The following PCDH15 variants were observed in gnomAD, a reference collection of about 807,000 sequenced individuals.
The protein encoded by PCDH15 is protocadherin-15.
Under a neutral mutation model 178.5 loss-of-function variants are expected in PCDH15, and 129 were observed. The ratio of observed to expected loss-of-function variants is 0.72; its 90% CI spans 0.63 to 0.84. The LOEUF is 0.84. PCDH15 is among the 40% of genes least tolerant of loss of function. PCDH15 has a pLI of 0.00. For missense variants in PCDH15, 2,230 were observed against 2,099.9 expected, an observed-to-expected ratio of 1.06 and a Z score of -1.21; for synonymous variants, 800 against 732.0, an observed-to-expected ratio of 1.09 and a Z score of -1.50.
intron 2 of PCDH15, among the ~76,000 whole-genome samples, chr10:54,590,139 T>C (rs997979802): frequency 6.6e-6 from 1 of 152,182 alleles, no homozygotes; most frequent in Non-Finnish European, 1.5e-5. Flanking sequence ...AATGTTATTT[T>C]ATTCCATTTA....
chr10:54,530,056 A>G (rs1308585080), intron 2 of PCDH15, among the ~76,000 whole-genome samples: 1 of 152,102 alleles, frequency 6.6e-6, no homozygotes, highest in African/African-American at 2.4e-5. Flanking sequence ...ATAGAATAAT[A>G]AAAGAAGGGG....
intron 2 of PCDH15, among the ~76,000 whole-genome samples, chr10:55,584,481 A>T (rs993181714): frequency 5.3e-5 from 8 of 151,682 alleles, no homozygotes; most frequent in Non-Finnish European, 2.9e-5. Context: ...ACATGGTGAA[A>T]CCCCTTGTCT....
chr10:54,344,292 T>C (rs1246889874), intron 6 of PCDH15, among the ~76,000 whole-genome samples: 1 of 152,186 alleles, frequency 6.6e-6, no homozygotes, highest in African/African-American at 2.4e-5. Context: ...TGAAAATGCA[T>C]GTGGTTGATT....
intron 2 of PCDH15, among the ~76,000 whole-genome samples, chr10:55,095,458 T>C (rs1211069922): frequency 6.6e-6 from 1 of 152,084 alleles, no homozygotes; most frequent in African/African-American, 2.4e-5. Flanking sequence ...TTTGGGTTGT[T>C]ACTTGGATTT....
chr10:54,965,312 G>A (rs1838755298), intron 2 of PCDH15, among the ~76,000 whole-genome samples: 1 of 152,080 alleles, frequency 6.6e-6, no homozygotes, highest in South Asian at 2.1e-4. Flanking sequence ...CCAGTGGGAG[G>A]TAACTGAATC....
At chr10:55,201,965 A>T (rs2132159711) in intron 1 of PCDH15, among the ~76,000 whole-genome samples, 1 of 152,198 alleles carries the variant, frequency 6.6e-6, no homozygotes, top group African/African-American at 2.4e-5. Context: ...GGTTTAGAAA[A>T]TTCTGGGATA....
At position 53,806,473 on chromosome 10, in the gene PCDH15, GTGTGCATGATA is replaced by G. The variant is rs1406692854; in HGVS notation, c.*95_*105del. 2.1e-6 allele frequency: 2 copies of G among 953,748 alleles called. No individual in the cohort carries two copies. Among genetic ancestry groups the G allele is most frequent in the African/African-American group, 1.7e-5 (1 of 60,318 alleles). The allele number at this position is 953,748 out of a possible 1,614,324, so 59.1% of individuals were successfully genotyped here. On this transcript the variant is annotated 3_prime_UTR_variant, in exon 38 of 38. Coordinates refer to ENST00000644397, the MANE Select transcript of PCDH15 (RefSeq NM_001384140.1). ...AGCATATTGTTCAAAGTTTTAGCTT[GTGTGCATGATA>G]TAAATTCCATACATTGTTTTCTCAG...
chr10:55,171,050 C>T (rs1839320045), intron 1 of PCDH15, among the ~76,000 whole-genome samples: 1 of 152,128 alleles, frequency 6.6e-6, no homozygotes, highest in African/African-American at 2.4e-5. Flanking sequence ...ATAGAATGCC[C>T]TAGGGCACTG....
At chr10:54,537,180 C>T (rs71492618) in intron 2 of PCDH15, among the ~76,000 whole-genome samples, 29,313 of 151,288 alleles carry the variant, frequency 0.19, 3,084 homozygotes, top group East Asian at 0.32. Flanking sequence ...TTTGTATTTT[C>T]AGTAGAGACG....
intron 2 of PCDH15, among the ~76,000 whole-genome samples, chr10:55,089,613 G>T (rs550875749): frequency 6.6e-6 from 1 of 152,154 alleles, no homozygotes; most frequent in South Asian, 2.1e-4. Context: ...TGAAGAATTT[G>T]TATCATTACA....
chr10:54,823,206 A>AACACACACACACACACAC (rs4007188), intron 3 of PCDH15, among the ~76,000 whole-genome samples: 1 of 148,920 alleles, frequency 6.7e-6, no homozygotes, highest in African/African-American at 2.5e-5. Context: ...CACCAGCATA[A>AACACACACACACACACAC]ACACACACAC....
At chr10:55,510,635 T>C (rs1464292288) in intron 2 of PCDH15, among the ~76,000 whole-genome samples, 1 of 151,928 alleles carries the variant, frequency 6.6e-6, no homozygotes, top group Non-Finnish European at 1.5e-5. Context: ...TTAAAATTTA[T>C]GTATTCTTGT....
chr10:54,786,744 A>T (rs879786861), intron 1 of PCDH15, among the ~76,000 whole-genome samples: 1 of 151,862 alleles, frequency 6.6e-6, no homozygotes, highest in African/African-American at 2.4e-5. Context: ...GTTTCTTATC[A>T]TTTAGTCTTC....
In PCDH15 at chr10:54,853,289, GTATATATATATATATA is replaced by G. The variant is rs71014423; in HGVS notation, c.-29+44145_-29+44160del. ...TATATATATATGTGTATGTATGTGT[GTATATATATATATATA>G]TATATATATATATACATACACACAC... On this transcript the variant is annotated intron_variant, in intron 3 of 5. Coordinates refer to the PCDH15 transcript ENST00000458638. Among the ~76,000 whole-genome samples the G allele has an allele frequency of 2.9e-5, 3 of 102,544 alleles. No homozygotes were observed. In the South Asian group the frequency reaches 1.1e-3, roughly 38 times the overall value. 67.3% of individuals were successfully genotyped at this position (102,544 alleles called of 152,430 possible). A position where few individuals can be genotyped will look rare whatever the true frequency, so the allele number is the denominator to read the frequency against.
intron 2 of PCDH15, among the ~76,000 whole-genome samples, chr10:55,091,939 G>A (rs1591896561): frequency 1.5e-5 from 2 of 132,758 alleles, no homozygotes; most frequent in Admixed American, 7.5e-5. Flanking sequence ...GCCAGAAACT[G>A]TGGGTAAAAC....
At chr10:54,087,243 C>A (rs2094529426) in intron 16 of PCDH15, among the ~76,000 whole-genome samples, 1 of 152,108 alleles carries the variant, frequency 6.6e-6, no homozygotes, top group African/African-American at 2.4e-5. Context: ...GTTGTTCAAT[C>A]ATCACTGTAA....
intron 5 of PCDH15, among the ~76,000 whole-genome samples, chr10:54,347,889 C>T (rs1943560995): frequency 6.6e-6 from 1 of 151,650 alleles, no homozygotes. Flanking sequence ...CACTCTGTCA[C>T]CCAGGCTGGA....
At chr10:54,767,238 CA>C (rs1367636336) in intron 1 of PCDH15, among the ~76,000 whole-genome samples, 2 of 151,962 alleles carry the variant, frequency 1.3e-5, no homozygotes, top group Non-Finnish European at 2.9e-5. Flanking sequence ...TTTAAATATT[CA>C]AGAGGACTGG....
At chr10:54,963,240 C>T (rs1391722452) in intron 2 of PCDH15, among the ~76,000 whole-genome samples, 2 of 152,082 alleles carry the variant, frequency 1.3e-5, no homozygotes, top group Non-Finnish European at 1.5e-5. Flanking sequence ...TTCTAGTCTT[C>T]AGTTCCACTG....
Sources: allele counts gnomAD v4.1 joint callset (sites outside exome capture counted in the v4.1 genomes callset), GRCh38; gene constraint gnomAD v4.1.1; transcripts MANE v1.5; gene names NCBI Gene and HGNC (gene_info 2026-07-23, HGNC 2026-07-21).